Variants in CELSR1 observed in about 807,000 individuals in gnomAD.
CELSR1 encodes adhesion G protein-coupled receptor C1.
A neutral mutation model predicts 249.1 loss-of-function variants in CELSR1; 110 were observed. The observed-to-expected ratio is 0.44, with a 90% CI of 0.38 to 0.52. The LOEUF is 0.52. Among genes scored for constraint, CELSR1 ranks in the 20% least tolerant of loss-of-function variants. CELSR1 has a pLI of 0.00. For synonymous variants in CELSR1, 2,113 were observed against 1,900.0 expected, an observed-to-expected ratio of 1.11 and a Z score of -2.92; for missense variants, 4,109 against 4,296.4, an observed-to-expected ratio of 0.96 and a Z score of 1.22.
At position 46,471,812 on chromosome 22, in the gene CELSR1, C is replaced by G. The variant is rs6008857; in HGVS notation, c.3545-7467G>C. Among the ~76,000 whole-genome samples the G allele has an allele frequency of 0.047, 7,092 of 152,280 alleles. 380 individuals carry two copies. The highest frequency in any genetic ancestry group is 0.13 in the African/African-American group (5,488 of 41,514). On this transcript the variant is annotated intron_variant, in intron 1 of 34. Coordinates refer to ENST00000674500, the MANE Select transcript of CELSR1 (RefSeq NM_001378328.1). The surrounding 1 kb of genome is among the most constrained non-coding windows in gnomAD (Gnocchi z 4.9). ...TCCTCTCCTGTCCCAGGACCCCACA[C>G]CACACTCAGCTCCCCTGCACCGTGG...
chr22:46,517,570 G>A lies in CELSR1; in HGVS notation c.3544+16057C>T, dbSNP rs969549087. Among the ~76,000 whole-genome samples, 3 of 152,134 alleles carry A rather than the reference G, an allele frequency of 2.0e-5. No individual in the cohort carries two copies. The highest frequency in any genetic ancestry group is 7.2e-5 in the African/African-American group (3 of 41,420). ...CACAGTAAGGTGCCCCTGCAGACAC[G>A]CCGCAAAACACGCCCCTGAGCTTCC... On this transcript the variant is annotated intron_variant, in intron 1 of 34. Coordinates refer to ENST00000674500, the MANE Select transcript of CELSR1 (RefSeq NM_001378328.1). This position sits in a 1 kb window ranked among gnomAD's most constrained non-coding sequence, Gnocchi z 5.4.
rs1427060319 is a variant in CELSR1, at chr22:46,412,977, A to G, written c.4612-1218T>C. Among the ~76,000 whole-genome samples, 1 of 152,182 alleles carries G rather than the reference A, an allele frequency of 6.6e-6. No individual in the cohort carries two copies. The highest frequency in any genetic ancestry group is 2.4e-5 in the African/African-American group (1 of 41,444). On this transcript the variant is annotated intron_variant, in intron 5 of 34. Transcript: ENST00000674500. This position sits in a 1 kb window ranked among gnomAD's most constrained non-coding sequence, Gnocchi z 4.5. ...CAGAGCCTCCCCCTCCACCCCAGAG[A>G]GAACCTTTTCTTCCAGTCCCAGCAG... is the stretch of plus-strand genomic sequence containing the variant.
intron 1 of CELSR1, among the ~76,000 whole-genome samples, chr22:46,519,610 G>A (rs2080664169): frequency 2.0e-5 from 3 of 152,190 alleles, no homozygotes; most frequent in Admixed American, 2.0e-4. Flanking sequence ...CCTGGGCGGG[G>A]TTGGGAGGTG....
At chr22:46,367,509 G>C (rs1020434128) in intron 28 of CELSR1, among the ~76,000 whole-genome samples, 4 of 152,232 alleles carry the variant, frequency 2.6e-5, no homozygotes, top group African/African-American at 9.6e-5. Flanking sequence ...ACTTGTGCTG[G>C]CCTGGCACTA....
Position 46,445,476 on chromosome 22 carries a change from C to T in CELSR1, c.4184-6065G>A, listed in dbSNP as rs1371194741. ...CACCATTGCACTCCAGCCTGGGTGACAGAGCAAGACTGTCTCTAAAAAAAT... is the reference window on the plus strand; with the variant it reads ...CACCATTGCACTCCAGCCTGGGTGATAGAGCAAGACTGTCTCTAAAAAAAT... On this transcript the variant is annotated intron_variant, in intron 2 of 34. Coordinates refer to ENST00000674500, the MANE Select transcript of CELSR1 (RefSeq NM_001378328.1). The surrounding 1 kb of genome is among the most constrained non-coding windows in gnomAD (Gnocchi z 4.4). Among the ~76,000 whole-genome samples the T allele has an allele frequency of 6.6e-6, 1 of 152,120 alleles. No homozygotes were observed. Among genetic ancestry groups the T allele is most frequent in the Non-Finnish European group, 1.5e-5 (1 of 68,020 alleles).
intron 1 of CELSR1, chr22:46,481,305 G>C: frequency 1.7e-6 from 1 of 585,312 alleles, no homozygotes; most frequent in South Asian, 2.4e-5. Context: ...CCTCAGCCCC[G>C]ATGGCCACTG....
intron 1 of CELSR1, among the ~76,000 whole-genome samples, chr22:46,478,490 G>A (rs1340712582): frequency 4.6e-5 from 7 of 152,018 alleles, no homozygotes; most frequent in African/African-American, 1.2e-4. Context: ...TCCCTGGCCC[G>A]ACGTGTCCAC....
intron 3 of CELSR1, among the ~76,000 whole-genome samples, chr22:46,438,325 A>G (rs1268348952): frequency 1.3e-5 from 2 of 152,140 alleles, no homozygotes; most frequent in Non-Finnish European, 2.9e-5. Flanking sequence ...AGGGGCTATG[A>G]AAGCACCCAC....
At chr22:46,383,092 T>G (rs2078997000) in intron 20 of CELSR1, among the ~76,000 whole-genome samples, 1 of 152,154 alleles carries the variant, frequency 6.6e-6, no homozygotes, top group Non-Finnish European at 1.5e-5. Context: ...CAGGAATGGC[T>G]TGGTGCCCCG....
Position 46,429,435 on chromosome 22 carries a change from C to A in CELSR1, c.4611+3958G>T, listed in dbSNP as rs559443660. Among the ~76,000 whole-genome samples the A allele has an allele frequency of 7.9e-5, 12 of 152,310 alleles. No homozygotes were observed. The highest frequency in any genetic ancestry group is 2.4e-4 in the African/African-American group (10 of 41,554). On this transcript the variant is annotated intron_variant, in intron 5 of 34. Coordinates refer to ENST00000674500, the MANE Select transcript of CELSR1 (RefSeq NM_001378328.1). This position sits in a 1 kb window ranked among gnomAD's most constrained non-coding sequence, Gnocchi z 4.1. ...CCAAACCTCCCGGCGTGGCTGTGGG[C>A]GTGGGGGCTGTGTTGTTCATCTGTG... is the stretch of plus-strand genomic sequence containing the variant.
In CELSR1 at chr22:46,363,858, AT is replaced by A. The variant is rs1264012236; in HGVS notation, c.9035+137del. ...AGCTGCAGCGCCTCCCCCCTCCCCC[AT>A]CCCCGCCTGGGCTTCCTCTGCACTC... On this transcript the variant is annotated intron_variant, in intron 34 of 34. Transcript: ENST00000674500. The surrounding 1 kb of genome is among the most constrained non-coding windows in gnomAD (Gnocchi z 4.3). 1.6e-5 allele frequency: 19 copies of A among 1,195,786 alleles called. No individual in the cohort carries two copies. The highest frequency in any genetic ancestry group is 1.8e-5 in the Non-Finnish European group (16 of 888,174). 74.1% of individuals were successfully genotyped at this position (1,195,786 alleles called of 1,614,324 possible).
intron 1 of CELSR1, among the ~76,000 whole-genome samples, chr22:46,467,273 C>A (rs1473156876): frequency 2.0e-5 from 3 of 152,136 alleles, no homozygotes; most frequent in Non-Finnish European, 4.4e-5. Flanking sequence ...ATTCAGCGAC[C>A]CTAAGCTTGA....
chr22:46,443,342 C>A (rs1054640990), intron 2 of CELSR1, among the ~76,000 whole-genome samples: 29 of 152,184 alleles, frequency 1.9e-4, no homozygotes, highest in African/African-American at 6.8e-4. Context: ...GGGCAGGATC[C>A]CATCCGCCTG....
Position 46,409,622 on chromosome 22 carries a change from G to A in CELSR1, c.5059+133C>T. On this transcript the variant is annotated intron_variant, in intron 8 of 34. Transcript: ENST00000674500. This position sits in a 1 kb window ranked among gnomAD's most constrained non-coding sequence, Gnocchi z 9.8. ...TTGGAGAGGGCGGTGTGAGTCCACA[G>A]TAAATGCAGCATATACCACCAGAGG... 1 of 1,097,788 alleles carries A rather than the reference G, an allele frequency of 9.1e-7. No homozygotes were observed. The highest frequency in any genetic ancestry group is 1.3e-6 in the Non-Finnish European group (1 of 753,664). The allele number at this position is 1,097,788 out of a possible 1,614,324, so 68.0% of individuals were successfully genotyped here.
At chr22:46,476,735 C>A (rs1480497409) in intron 1 of CELSR1, among the ~76,000 whole-genome samples, 1 of 151,928 alleles carries the variant, frequency 6.6e-6, no homozygotes, top group Non-Finnish European at 1.5e-5. Flanking sequence ...CCAGAATCCA[C>A]AGAGACAGAA....
chr22:46,364,902 C>T (rs991246920), intron 32 of CELSR1, among the ~76,000 whole-genome samples, 166 bp from the exon 33 acceptor site: 10 of 152,240 alleles, frequency 6.6e-5, no homozygotes, highest in Non-Finnish European at 1.0e-4. Context: ...CGAGTCCTGG[C>T]AGCAGGGCCC....
At position 46,393,642 on chromosome 22, in the gene CELSR1, G is replaced by A. The variant is rs553743761; in HGVS notation, c.5964+500C>T. Among the ~76,000 whole-genome samples, 115 of 152,112 alleles carry A rather than the reference G, an allele frequency of 7.6e-4. 1 individual carries two copies. The South Asian group carries it at 0.022, about 29-fold the overall frequency. ...AATCCCAGCTACTCAGGAGGCTGAG[G>A]CAGAAGAATTGCTGGAACCCGGGAG... is the stretch of plus-strand genomic sequence containing the variant. On this transcript the variant is annotated intron_variant, in intron 14 of 34. Transcript: ENST00000674500. This position sits in a 1 kb window ranked among gnomAD's most constrained non-coding sequence, Gnocchi z 4.1.
rs1448847898 is a variant in CELSR1 at position 46,412,894 on chromosome 22, A to T, written c.4612-1135T>A. On this transcript the variant is annotated intron_variant, in intron 5 of 34. Transcript: ENST00000674500. This position sits in a 1 kb window ranked among gnomAD's most constrained non-coding sequence, Gnocchi z 4.5. ...CATCCCACAGGTGGCCGTGACGATG[A>T]GCCAGGAGATCGCCAGGCAAGTGCC... Among the ~76,000 whole-genome samples, 1 of 152,242 alleles carries T rather than the reference A, an allele frequency of 6.6e-6. No individual in the cohort carries two copies. Among genetic ancestry groups the T allele is most frequent in the Non-Finnish European group, 1.5e-5 (1 of 68,040 alleles).
chr22:46,409,279 C>T lies in CELSR1; in HGVS notation c.5060-117G>A, dbSNP rs1006310543. The T allele has an allele frequency of 1.3e-5, 14 of 1,066,368 alleles. No individual in the cohort carries two copies. The highest frequency in any genetic ancestry group is 2.6e-5 in the East Asian group (1 of 38,708). 66.1% of individuals were successfully genotyped at this position (1,066,368 alleles called of 1,614,324 possible). A position where few individuals can be genotyped will look rare whatever the true frequency, so the allele number is the denominator to read the frequency against. On this transcript the variant is annotated intron_variant, in intron 8 of 34. Coordinates refer to ENST00000674500, the MANE Select transcript of CELSR1 (RefSeq NM_001378328.1). The surrounding 1 kb of genome is among the most constrained non-coding windows in gnomAD (Gnocchi z 9.8). ...GGCCTGGGCCTTTTTCACTTTAACA[C>T]GAAGGTGGGTCTGAGCCTCCCCTCT... is the stretch of plus-strand genomic sequence containing the variant.
Sources: gnomAD v4.1 joint callset for allele counts (sites outside exome capture counted in the v4.1 genomes callset) on GRCh38, gnomAD v4.1.1 for gene constraint, Gnocchi (gnomAD v3.1) non-coding constraint, MANE v1.5 for transcripts, NCBI Gene and HGNC (gene_info 2026-07-23, HGNC 2026-07-21) for gene names.